TRUB2: variants seen among roughly 807,000 people sequenced by gnomAD.
TRUB2 encodes the protein TruB pseudouridine synthase family member 2.
In TRUB2, 31 loss-of-function variants were observed where a neutral mutation model predicts 31.9. The observed-to-expected ratio is 0.97, with a 90% CI of 0.73 to 1.31. The LOEUF (loss-of-function observed/expected upper bound fraction) is 1.31, where lower values mean the gene tolerates loss of function less well. Among genes scored for constraint, TRUB2 ranks in the 50% most tolerant of loss-of-function variants. The probability of loss-of-function intolerance (pLI) is 0.00; values close to 1 mark genes in which losing one functional copy is unlikely to be tolerated. For missense variants in TRUB2, 451 were observed against 439.6 expected (o/e 1.03, Z -0.23); for synonymous variants, 201 against 182.6 (o/e 1.10, Z -0.81).
intron 7 of TRUB2, 75 bp from the exon 8 acceptor site, chr9:128,309,950 T>A: frequency 1.4e-6 from 2 of 1,480,922 alleles, no homozygotes; most frequent in Non-Finnish European, 1.8e-6. Flanking sequence ...CGCACACCCC[T>A]TGGATACCTC....
intron 1 of TRUB2, 143 bp downstream of exon 1, chr9:128,322,157 A>C: frequency 1.5e-6 from 1 of 652,820 alleles, no homozygotes; most frequent in East Asian, 2.7e-5. Context: ...GAGGAGTAAG[A>C]AAGCACAGAG....
Position 128,305,198 on chromosome 9 carries a change from C to T in TRUB2, c.*4352G>A, listed in dbSNP as rs1564379993. 1 of 152,248 alleles carries T rather than the reference C, an allele frequency of 6.6e-6. No individual in the cohort carries two copies. Among genetic ancestry groups the T allele is most frequent in the African/African-American group, 2.4e-5 (1 of 41,446 alleles). The allele number at this position is 152,248 out of a possible 1,614,324, so 9.4% of individuals were successfully genotyped here. A position where few individuals can be genotyped will look rare whatever the true frequency, so the allele number is the denominator to read the frequency against. ...CCATTTTATAGATAGGTGACAGCTT[C>T]AGAGGCCACATTACCCAGTCAGTAA... On this transcript the variant is annotated 3_prime_UTR_variant, in exon 8 of 8. Transcript: ENST00000372890.
intron 7 of TRUB2, among the ~76,000 whole-genome samples, chr9:128,310,140 C>G (rs912053650): frequency 8.6e-5 from 13 of 151,982 alleles, no homozygotes; most frequent in African/African-American, 3.1e-4. Flanking sequence ...ATCACCCAGG[C>G]TGGAGTGCAG....
chr9:128,309,989 C>T, intron 7 of TRUB2, 114 bp from the exon 8 acceptor site: 5 of 1,132,862 alleles, frequency 4.4e-6, no homozygotes, highest in Non-Finnish European at 6.2e-6. Context: ...TAGCAAGACC[C>T]CTAAGCTCTC....
intron 2 of TRUB2, among the ~76,000 whole-genome samples, chr9:128,320,100 TAG>T (rs1832138031): frequency 1.3e-5 from 2 of 150,996 alleles, no homozygotes; most frequent in Admixed American, 6.6e-5. Context: ...GTATTTTTAG[TAG>T]AGACAGGGTA....
At chr9:128,322,224 G>T (rs147400604) in intron 1 of TRUB2, 76 bp downstream of exon 1, 3 of 1,274,908 alleles carry the variant, frequency 2.4e-6, no homozygotes, top group Non-Finnish European at 1.1e-6. Flanking sequence ...ATTTTGTTTT[G>T]GGGTAAGGAC....
chr9:128,309,957 C>A, intron 7 of TRUB2, 82 bp from the exon 8 acceptor site: 1 of 1,425,614 alleles, frequency 7.0e-7, no homozygotes, highest in Admixed American at 2.0e-5. Flanking sequence ...CCCTTGGATA[C>A]CTCCTAGGTG....
chr9:128,319,490 CTAAA>C (rs1046461254), intron 2 of TRUB2, among the ~76,000 whole-genome samples: 6 of 151,832 alleles, frequency 4.0e-5, no homozygotes, highest in African/African-American at 1.5e-4. Flanking sequence ...GACCCTGTCT[CTAAA>C]TAAATAGAAT....
At chr9:128,311,811 C>T (rs912455030) in intron 5 of TRUB2, among the ~76,000 whole-genome samples, 9 of 150,548 alleles carry the variant, frequency 6.0e-5, no homozygotes, top group Non-Finnish European at 1.0e-4. Flanking sequence ...ATACACATGA[C>T]TCAGCAGCAA....
rs368076562 is a variant in TRUB2 at position 128,309,793 on chromosome 9, G to C, written c.753C>G (p.Val251=). ...EIGLELKTTA[V]CTQVRRTRDG... ...CGCGCGTGCGCCGCACTTGGGTGCA[G>C]ACAGCAGTGGTCTTTAGTTCCAGGC... is the stretch of plus-strand genomic sequence containing the variant. The change falls in exon 8 of 8, where the codon GTC becomes GTG. Residue 251 remains valine, a synonymous_variant. Coordinates refer to ENST00000372890, the MANE Select transcript of TRUB2 (RefSeq NM_015679.3). 7 of 1,614,140 alleles carry C rather than the reference G, an allele frequency of 4.3e-6. No homozygotes were observed. The highest frequency in any genetic ancestry group is 5.9e-6 in the Non-Finnish European group (7 of 1,180,056).
chr9:128,313,863 G>T lies in TRUB2; in HGVS notation c.405C>A (p.Gly135=), dbSNP rs1263521813. The T allele has an allele frequency of 1.9e-6, 3 of 1,614,194 alleles. No individual in the cohort carries two copies. Among genetic ancestry groups the T allele is most frequent in the South Asian group, 1.1e-5 (1 of 91,090 alleles). The part of the protein sequence containing the change: ...TKDYTVRGLL[G]KATDDFREDG... ...CCTCACGGAAGTCATCTGTAGCTTT[G>T]CCCAGGAGGCCACGCACTGTGTAAT... The change falls in exon 5 of 8, where the codon GGC becomes GGA. Residue 135 remains glycine (G), a synonymous_variant. Coordinates refer to ENST00000372890, the MANE Select transcript of TRUB2 (RefSeq NM_015679.3).
At chr9:128,311,439 A>G in intron 6 of TRUB2, 90 bp downstream of exon 6, 1 of 1,299,952 alleles carries the variant, frequency 7.7e-7, no homozygotes, top group Admixed American at 1.7e-5. Context: ...TAAAAACAAG[A>G]TCCATGGAAT....
chr9:128,318,823 C>T (rs1186703885), intron 2 of TRUB2, among the ~76,000 whole-genome samples: 2 of 151,884 alleles, frequency 1.3e-5, no homozygotes, highest in South Asian at 2.1e-4. Context: ...AATGAGCCAC[C>T]GCATCTGGCT....
intron 4 of TRUB2, 61 bp from the exon 5 acceptor site, chr9:128,313,950 G>T: frequency 6.6e-7 from 1 of 1,519,064 alleles, no homozygotes; most frequent in Non-Finnish European, 9.1e-7. Flanking sequence ...AGTAGCCCCT[G>T]CCCCAGAAGC....
intron 7 of TRUB2, 74 bp downstream of exon 7, chr9:128,310,813 T>C (rs1831954349): frequency 6.3e-7 from 1 of 1,590,016 alleles, no homozygotes; most frequent in Non-Finnish European, 8.6e-7. Context: ...CAGTGACCTC[T>C]GCAAGAGCGT....
chr9:128,311,079 T>G (rs912355413), intron 6 of TRUB2, 56 bp from the exon 7 acceptor site: 7 of 1,594,672 alleles, frequency 4.4e-6, no homozygotes, highest in Non-Finnish European at 6.0e-6. Context: ...TTCCCCCACA[T>G]GAGGTGCCTC....
chr9:128,306,200 C>T lies in TRUB2; in HGVS notation c.*3350G>A, dbSNP rs1564380240. On this transcript the variant is annotated 3_prime_UTR_variant, in exon 8 of 8. Transcript: ENST00000372890. ...TTGACCAATTATTTTGGCCATGACT[C>T]AGAGTTCCCCTATCCTGCTATCCTG... The T allele has an allele frequency of 6.6e-6, 1 of 152,116 alleles. No individual in the cohort carries two copies. Among genetic ancestry groups the T allele is most frequent in the African/African-American group, 2.4e-5 (1 of 41,420 alleles). The allele number at this position is 152,116 out of a possible 1,614,324, so 9.4% of individuals were successfully genotyped here.
In TRUB2 at chr9:128,309,527, T is replaced by A. The variant is rs770256046; in HGVS notation, c.*23A>T. 14 of 1,592,938 alleles carry A rather than the reference T, an allele frequency of 8.8e-6. No homozygotes were observed. In the East Asian group the frequency reaches 3.2e-4, roughly 36 times the overall value. Reference sequence around the variant, plus strand: ...GCAGTTCTTCTATTTATCCATCCACTGCCCCAGGAGCTGCCTGGGCATTCA... The same window carrying A: ...GCAGTTCTTCTATTTATCCATCCACAGCCCCAGGAGCTGCCTGGGCATTCA... On this transcript the variant is annotated 3_prime_UTR_variant, in exon 8 of 8. Coordinates refer to ENST00000372890, the MANE Select transcript of TRUB2 (RefSeq NM_015679.3).
intron 2 of TRUB2, among the ~76,000 whole-genome samples, chr9:128,320,653 T>C (rs1045485961): frequency 5.3e-5 from 8 of 151,920 alleles, no homozygotes; most frequent in Admixed American, 2.6e-4. Context: ...CTTGTAGAAG[T>C]AGGGTTTCCC....
Sources: gnomAD v4.1 joint callset for allele counts (sites outside exome capture counted in the v4.1 genomes callset) on GRCh38, gnomAD v4.1.1 for gene constraint, MANE v1.5 for transcripts, NCBI Gene and HGNC (gene_info 2026-07-23, HGNC 2026-07-21) for gene names.